Variants in RBM34 observed in about 807,000 individuals in gnomAD.
RBM34 encodes RNA binding motif protein 34.
In RBM34, 39 loss-of-function variants were observed where a neutral mutation model predicts 44.6. The observed-to-expected ratio is 0.87, with a 90% CI of 0.68 to 1.14. RBM34 has a LOEUF of 1.14. Among genes scored for constraint, RBM34 ranks in the 50% most tolerant of loss-of-function variants. The probability of loss-of-function intolerance (pLI) is 0.00; values close to 1 mark genes in which losing one functional copy is unlikely to be tolerated. For synonymous variants in RBM34, 194 were observed against 184.0 expected, an observed-to-expected ratio of 1.05 and a Z score of -0.44; for missense variants, 572 against 517.9, an observed-to-expected ratio of 1.10 and a Z score of -1.01.
intron 5 of RBM34, among the ~76,000 whole-genome samples, chr1:235,149,833 C>T (rs535085179): frequency 9.8e-4 from 149 of 152,238 alleles, no homozygotes; most frequent in African/African-American, 3.2e-3. Context: ...TCTGGAAAAC[C>T]TATTTTCTTT....
At chr1:235,146,183 C>T (rs973278693) in intron 6 of RBM34, among the ~76,000 whole-genome samples, 2 of 151,810 alleles carry the variant, frequency 1.3e-5, no homozygotes, top group South Asian at 2.1e-4. Context: ...TGGGCTCAAG[C>T]GATCTGCCCA....
intron 8 of RBM34, 134 bp from the exon 9 acceptor site, chr1:235,136,207 C>A: frequency 2.7e-6 from 2 of 729,120 alleles, no homozygotes; most frequent in Non-Finnish European, 4.6e-6. Flanking sequence ...ACATCATGTT[C>A]TTTGATTCTG....
intron 3 of RBM34, among the ~76,000 whole-genome samples, chr1:235,159,496 C>A (rs1662598849): frequency 1.4e-5 from 2 of 145,706 alleles, no homozygotes; most frequent in African/African-American, 2.6e-5. Context: ...TGCAGTGAGT[C>A]AAGATTGCGC....
At chr1:235,143,965 G>A (rs1362018433) in intron 6 of RBM34, among the ~76,000 whole-genome samples, 1 of 152,174 alleles carries the variant, frequency 6.6e-6, no homozygotes, top group African/African-American at 2.4e-5. Context: ...GGCTACTTGA[G>A]CTCAGGAGTT....
At chr1:235,155,434 C>T (rs1662357234) in intron 3 of RBM34, among the ~76,000 whole-genome samples, 1 of 151,376 alleles carries the variant, frequency 6.6e-6, no homozygotes, top group Admixed American at 6.6e-5. Context: ...CTCAACCTCC[C>T]AGGCTCAGGC....
chr1:235,149,337 C>T (rs1425395869), intron 5 of RBM34, among the ~76,000 whole-genome samples: 9 of 148,846 alleles, frequency 6.0e-5, no homozygotes, highest in Non-Finnish European at 3.0e-5. Flanking sequence ...TGCAGTGAGC[C>T]CAGATGGCAC....
intron 6 of RBM34, among the ~76,000 whole-genome samples, chr1:235,138,885 G>A (rs962649719): frequency 6.6e-6 from 1 of 152,090 alleles, no homozygotes; most frequent in African/African-American, 2.4e-5. Context: ...CCTGGATTTT[G>A]TGACTGCAAG....
In RBM34 at chr1:235,136,003, T is replaced by C. The variant is rs377147050; in HGVS notation, c.889+31A>G. ...TATTTCCTTGTTATTTATTTAGTAA[T>C]ATTAACTGTACTTTGTTTAAACAAA... On this transcript the variant is annotated intron_variant, in intron 9 of 10. Coordinates refer to ENST00000408888, the MANE Select transcript of RBM34 (RefSeq NM_015014.4). The C allele has an allele frequency of 4.0e-6, 6 of 1,494,818 alleles. No individual in the cohort carries two copies. The African/African-American group carries it at 4.2e-5, about 10-fold the overall frequency. The allele number at this position is 1,494,818 out of a possible 1,614,324, so 92.6% of individuals were successfully genotyped here.
chr1:235,135,858 T>G (rs1384920298), intron 9 of RBM34, 88 bp from the exon 10 acceptor site: 3 of 1,307,894 alleles, frequency 2.3e-6, no homozygotes, highest in Non-Finnish European at 3.3e-6. Flanking sequence ...TAGTTAAGCA[T>G]GGTCCCATGA....
chr1:235,154,533 C>T (rs576870443), intron 4 of RBM34, among the ~76,000 whole-genome samples: 1 of 152,326 alleles, frequency 6.6e-6, no homozygotes, highest in East Asian at 1.9e-4. Context: ...CACTACACTC[C>T]AGCCTAGGTG....
intron 10 of RBM34, 107 bp downstream of exon 10, chr1:235,135,545 G>A: frequency 4.0e-6 from 4 of 1,010,624 alleles, no homozygotes; most frequent in South Asian, 2.8e-5. Flanking sequence ...TCTTAAGATG[G>A]AATTTGAGAA....
At chr1:235,154,586 C>T (rs994658638) in intron 4 of RBM34, among the ~76,000 whole-genome samples, 1 of 151,974 alleles carries the variant, frequency 6.6e-6, no homozygotes, top group Non-Finnish European at 1.5e-5. Flanking sequence ...AAAGGAAAGA[C>T]ATCTTTAAAC....
intron 7 of RBM34, 21 bp from the exon 8 acceptor site, chr1:235,137,961 GA>G: frequency 1.3e-6 from 2 of 1,586,116 alleles, no homozygotes; most frequent in Non-Finnish European, 1.7e-6. Flanking sequence ...AATACAAAGG[GA>G]AAATGGTTGT....
chr1:235,155,110 T>G lies in RBM34; in HGVS notation c.368A>C (p.Glu123Ala). Reference sequence around the variant, plus strand: ...TAAATCAGCACTCGCTAGAGCGCTTTCCCTTTTTAAGGCAAAAAATAAAAT... The same window carrying G: ...TAAATCAGCACTCGCTAGAGCGCTTGCCCTTTTTAAGGCAAAAAATAAAAT... ...TNAEKKLADR[E>A]SALASADLEE... The change falls in exon 4 of 11, where the codon GAA becomes GCA. Residue 123 changes from glutamate (E) to alanine (A), a missense_variant and splice_region_variant. Coordinates refer to ENST00000408888, the MANE Select transcript of RBM34 (RefSeq NM_015014.4). 1 of 1,610,080 alleles carries G rather than the reference T, an allele frequency of 6.2e-7. No homozygotes were observed. Among genetic ancestry groups the G allele is most frequent in the Non-Finnish European group, 8.5e-7 (1 of 1,179,222 alleles).
At chr1:235,143,342 C>G (rs970098102) in intron 6 of RBM34, among the ~76,000 whole-genome samples, 1 of 152,230 alleles carries the variant, frequency 6.6e-6, no homozygotes, top group Non-Finnish European at 1.5e-5. Flanking sequence ...ATCTGGCAAT[C>G]CGACCAGGCA....
chr1:235,152,381 T>C lies in RBM34; in HGVS notation c.657+325A>G, dbSNP rs1007092724. 1.7e-5 allele frequency: 12 copies of C among 702,342 alleles called. No homozygotes were observed. The African/African-American group carries it at 1.9e-4, about 11-fold the overall frequency. The allele number at this position is 702,342 out of a possible 1,614,324, so 43.5% of individuals were successfully genotyped here. The stretch of plus-strand genomic sequence containing the variant: ...TGTATGATGGGACATAGGAAGAGAA[T>C]GCCTAGGATTCCAGCAATGATAATC... On this transcript the variant is annotated intron_variant, in intron 5 of 10. Transcript: ENST00000408888.
chr1:235,153,501 T>C (rs1021848684), intron 4 of RBM34, among the ~76,000 whole-genome samples: 29 of 152,076 alleles, frequency 1.9e-4, no homozygotes, highest in Admixed American at 3.3e-4. Context: ...TCTTGGCTTC[T>C]GCAACCTCCC....
intron 5 of RBM34, among the ~76,000 whole-genome samples, chr1:235,151,860 C>T (rs1427198826): frequency 6.6e-6 from 1 of 151,978 alleles, no homozygotes; most frequent in Admixed American, 6.6e-5. Context: ...TGGTGAAACC[C>T]TGTCCGGACT....
At position 235,144,451 on chromosome 1, in the gene RBM34, T is replaced by C. The variant is rs377289814; in HGVS notation, c.701+3953A>G. On this transcript the variant is annotated intron_variant, in intron 6 of 10. Coordinates refer to ENST00000408888, the MANE Select transcript of RBM34 (RefSeq NM_015014.4). The stretch of plus-strand genomic sequence containing the variant: ...GCCTACATATGTTAAAATTATAAAA[T>C]TGTACATGTCAAATATGTGCAGTTT... Among the ~76,000 whole-genome samples, 233 of 149,856 alleles carry C rather than the reference T, an allele frequency of 1.6e-3. 1 individual carries two copies. The highest frequency in any genetic ancestry group is 5.6e-3 in the African/African-American group (227 of 40,386).
Sources: gnomAD v4.1 joint callset for allele counts (sites outside exome capture counted in the v4.1 genomes callset) on GRCh38, gnomAD v4.1.1 for gene constraint, MANE v1.5 for transcripts, NCBI Gene and HGNC (gene_info 2026-07-23, HGNC 2026-07-21) for gene names.